The following NYAP1 variants were observed in gnomAD, a reference collection of about 807,000 sequenced individuals.
NYAP1 encodes the protein neuronal tyrosine phosphorylated phosphoinositide-3-kinase adaptor 1.
Under a neutral mutation model 58.6 loss-of-function variants are expected in NYAP1, and 20 were observed. The observed-to-expected ratio is 0.34, with a 90% CI of 0.24 to 0.50. The LOEUF (loss-of-function observed/expected upper bound fraction) is 0.50, where lower values mean the gene tolerates loss of function less well. Ranked by LOEUF, NYAP1 falls within the 20% of genes least tolerant of loss-of-function variation. NYAP1 has a pLI of 0.98. For missense variants in NYAP1, 1,150 were observed against 1,194.5 expected, an observed-to-expected ratio of 0.96 and a Z score of 0.55; for synonymous variants, 572 against 523.1, an observed-to-expected ratio of 1.09 and a Z score of -1.27.
Position 100,488,650 on chromosome 7 carries a change from G to T in NYAP1, c.929G>T (p.Arg310Leu). 6.2e-7 allele frequency: 1 copy of T among 1,609,854 alleles called. No individual in the cohort carries two copies. The highest frequency in any genetic ancestry group is 8.5e-7 in the Non-Finnish European group (1 of 1,178,768). Residue 310 changes from arginine (R) to leucine (L), a missense_variant, in exon 4 of 7, where the codon CGG becomes CTG. Physicochemically the swap from Arg to Leu is moderately radical, Grantham distance 102 (BLOSUM62 -2). Coordinates refer to ENST00000300179, the MANE Select transcript of NYAP1 (RefSeq NM_173564.4). The surrounding 1 kb of genome is among the most constrained non-coding windows in gnomAD (Gnocchi z 5.9). ...CGCCCAGCTTCAGCCCTCCCGAGCCGGAGGGACGGGACGCCCACCAAGACC... is the reference window on the plus strand; with the variant it reads ...CGCCCAGCTTCAGCCCTCCCGAGCCTGAGGGACGGGACGCCCACCAAGACC... ...HRRPASALPS[R>L]RDGTPTKTTP...
rs1331286589 is a variant in NYAP1 at position 100,489,070 on chromosome 7, C to G, written c.1349C>G (p.Pro450Arg). The G allele has an allele frequency of 6.5e-7, 1 of 1,546,128 alleles. No individual in the cohort carries two copies. Among genetic ancestry groups the G allele is most frequent in the Non-Finnish European group, 8.7e-7 (1 of 1,146,744 alleles). Reference sequence around the variant, plus strand: ...CCCCCTGCCCCGGCCGCCTTGCTCCCCGGCCCCCCCAAGGACAAGGCCGTG... The same window carrying G: ...CCCCCTGCCCCGGCCGCCTTGCTCCGCGGCCCCCCCAAGGACAAGGCCGTG... ...AAPPAPAALLPGPPKDKAVSY... is the reference protein window; with the variant it reads ...AAPPAPAALLRGPPKDKAVSY... The change falls in exon 4 of 7, where the codon CCC (proline) becomes CGC (arginine). Residue 450 changes from proline to arginine, a missense_variant. Pro to Arg is a moderately radical substitution (Grantham distance 103). Transcript: ENST00000300179.
chr7:100,488,584 C>G lies in NYAP1; in HGVS notation c.863C>G (p.Pro288Arg). 6.2e-7 allele frequency: 1 copy of G among 1,611,272 alleles called. No individual in the cohort carries two copies. Among genetic ancestry groups the G allele is most frequent in the Non-Finnish European group, 8.5e-7 (1 of 1,179,280 alleles). ...NGPPPLTATS[P>R]PQQPHALPPH... ...CCTCCACCATTGACGGCAACATCCC[C>G]GCCACAACAGCCTCACGCCCTTCCG... Residue 288 changes from proline (P) to arginine (R), a missense_variant, in exon 4 of 7, where the codon CCG (proline) becomes CGG (arginine). Coordinates refer to ENST00000300179, the MANE Select transcript of NYAP1 (RefSeq NM_173564.4). This position sits in a 1 kb window ranked among gnomAD's most constrained non-coding sequence, Gnocchi z 5.9.
rs542170501 is a variant in NYAP1 at position 100,486,549 on chromosome 7, G to A, written c.69-272G>A. ...CAAGGCTGTCCACACAGGTGCCCAGGCTGGGATCCGCCAGCCCCAGGGATG... is the reference window on the plus strand; with the variant it reads ...CAAGGCTGTCCACACAGGTGCCCAGACTGGGATCCGCCAGCCCCAGGGATG... On this transcript the variant is annotated intron_variant, in intron 2 of 6. Transcript: ENST00000300179. The surrounding 1 kb of genome is among the most constrained non-coding windows in gnomAD (Gnocchi z 6.2). Among the ~76,000 whole-genome samples the A allele has an allele frequency of 6.6e-6, 1 of 152,176 alleles. No homozygotes were observed. Among genetic ancestry groups the A allele is most frequent in the East Asian group, 1.9e-4 (1 of 5,172 alleles).
At position 100,488,821 on chromosome 7, in the gene NYAP1, C is replaced by G. The variant is rs750079254; in HGVS notation, c.1100C>G (p.Ala367Gly). 1.9e-6 allele frequency: 3 copies of G among 1,574,750 alleles called. No homozygotes were observed. The highest frequency in any genetic ancestry group is 2.3e-5 in the South Asian group (2 of 85,992). ...GTCCTCTGCCACTCCAAGGAGCCAG[C>G]CGGCTCCACCCCAGCTCCCCAAGTG... ...LPVLCHSKEP[A>G]GSTPAPQVPA... The change falls in exon 4 of 7, where the codon GCC (alanine) becomes GGC (glycine). Residue 367 changes from alanine (A) to glycine (G), a missense_variant. Ala to Gly is a moderately conservative substitution (Grantham distance 60). Coordinates refer to ENST00000300179, the MANE Select transcript of NYAP1 (RefSeq NM_173564.4). The surrounding 1 kb of genome is among the most constrained non-coding windows in gnomAD (Gnocchi z 5.9).
rs763898455 is a variant in NYAP1, at chr7:100,489,545, C to T, written c.1824C>T (p.Val608=). Residue 608 remains valine, a synonymous_variant, in exon 4 of 7, where the codon GTC becomes GTT. Transcript: ENST00000300179. ...GAFASISCAH[V]IASAGTPEEE... ...TTGCCAGCATCTCCTGTGCCCACGT[C>T]ATCGCCAGCGCAGGGACACCAGAGG... is the stretch of plus-strand genomic sequence containing the variant. 68 of 1,613,330 alleles carry T rather than the reference C, an allele frequency of 4.2e-5. No homozygotes were observed. Among genetic ancestry groups the T allele is most frequent in the African/African-American group, 8.0e-5 (6 of 74,894 alleles).
At chr7:100,492,102 TG>T (rs1466825453) in intron 6 of NYAP1, among the ~76,000 whole-genome samples, 2 of 145,302 alleles carry the variant, frequency 1.4e-5, no homozygotes, top group Non-Finnish European at 3.0e-5. Context: ...AGCTGGACAT[TG>T]GGGCAGGCAC....
At chr7:100,484,514 AG>A (rs1799679118) in intron 1 of NYAP1, among the ~76,000 whole-genome samples, 1 of 152,084 alleles carries the variant, frequency 6.6e-6, no homozygotes, top group Non-Finnish European at 1.5e-5. Context: ...GGCCCGGGGA[AG>A]GACTGGAAGT....
chr7:100,490,410 G>A lies in NYAP1; in HGVS notation c.1946-107G>A. 1 of 1,042,646 alleles carries A rather than the reference G, an allele frequency of 9.6e-7. No homozygotes were observed. The highest frequency in any genetic ancestry group is 2.1e-4 in the Middle Eastern group (1 of 4,712). 64.6% of individuals were successfully genotyped at this position (1,042,646 alleles called of 1,614,324 possible). ...CCCATCCCAGCCGTTACTTGCAAAA[G>A]GGGCAATTGTGTCTCCTGGTCCACC... On this transcript the variant is annotated intron_variant, in intron 4 of 6. Coordinates refer to ENST00000300179, the MANE Select transcript of NYAP1 (RefSeq NM_173564.4). The surrounding 1 kb of genome is among the most constrained non-coding windows in gnomAD (Gnocchi z 4.6).
In NYAP1 at chr7:100,485,415, G is replaced by A. The variant is rs367729037; in HGVS notation, c.68+36G>A. 19 of 1,515,026 alleles carry A rather than the reference G, an allele frequency of 1.3e-5. No homozygotes were observed. The highest frequency in any genetic ancestry group is 2.4e-5 in the East Asian group (1 of 42,102). 93.8% of individuals were successfully genotyped at this position (1,515,026 alleles called of 1,614,324 possible). On this transcript the variant is annotated intron_variant, in intron 2 of 6. Transcript: ENST00000300179. The surrounding 1 kb of genome is among the most constrained non-coding windows in gnomAD (Gnocchi z 5.7). Reference sequence around the variant, plus strand: ...ACCCCAGACTGCTCCCTTCCCTTCCGCACCTCTGCCTGCCCCCTCACTGGG... The same window carrying A: ...ACCCCAGACTGCTCCCTTCCCTTCCACACCTCTGCCTGCCCCCTCACTGGG...
Position 100,493,651 on chromosome 7 carries a change from C to A in NYAP1, c.2274C>A (p.His758Gln), listed in dbSNP as rs765728630. The A allele has an allele frequency of 1.9e-6, 3 of 1,577,942 alleles. No individual in the cohort carries two copies. Among genetic ancestry groups the A allele is most frequent in the Non-Finnish European group, 2.6e-6 (3 of 1,168,186 alleles). Reference protein sequence around the residue: ...SQPRDALSQPHPALPLPLPLP... With the variant: ...SQPRDALSQPQPALPLPLPLP... ...CTCCCCCGCCCGCGGCACAGCCCCA[C>A]CCCGCGCTGCCGCTGCCTCTGCCCC... The change falls in exon 7 of 7, where the codon CAC becomes CAA. Residue 758 changes from histidine to glutamine, a missense_variant. Transcript: ENST00000300179.
chr7:100,489,511 G>C lies in NYAP1; in HGVS notation c.1790G>C (p.Gly597Ala). The C allele has an allele frequency of 1.2e-6, 2 of 1,613,442 alleles. No homozygotes were observed. The highest frequency in any genetic ancestry group is 2.2e-5 in the South Asian group (2 of 91,080). Residue 597 changes from glycine (G) to alanine (A), a missense_variant, in exon 4 of 7, where the codon GGG becomes GCG. Physicochemically the swap from Gly to Ala is moderately conservative, Grantham distance 60. Transcript: ENST00000300179. ...KIQLQEQGTDGGAFASISCAH... is the reference protein window; with the variant it reads ...KIQLQEQGTDAGAFASISCAH... The stretch of plus-strand genomic sequence containing the variant: ...CAGCTGCAGGAGCAAGGGACCGATG[G>C]GGGTGCTTTTGCCAGCATCTCCTGT...
chr7:100,490,584 C>G lies in NYAP1; in HGVS notation c.2013C>G (p.Asp671Glu). Residue 671 changes from aspartate to glutamate, a missense_variant, in exon 5 of 7, where the codon GAC becomes GAG. Coordinates refer to ENST00000300179, the MANE Select transcript of NYAP1 (RefSeq NM_173564.4). The surrounding 1 kb of genome is among the most constrained non-coding windows in gnomAD (Gnocchi z 4.6). ...AEGPGKVERE[D>E]RGPGTSGIPV... ...GTCCAGGCAAGGTGGAGCGTGAGGA[C>G]AGGGGCCCTGGGACATCGGGGATCC... The G allele has an allele frequency of 6.3e-7, 1 of 1,583,316 alleles. No individual in the cohort carries two copies. Among genetic ancestry groups the G allele is most frequent in the South Asian group, 1.2e-5 (1 of 86,450 alleles).
Position 100,493,750 on chromosome 7 carries a change from G to A in NYAP1, c.2373G>A (p.Lys791=), listed in dbSNP as rs1584362278. 2 of 1,605,612 alleles carry A rather than the reference G, an allele frequency of 1.2e-6. No individual in the cohort carries two copies. The highest frequency in any genetic ancestry group is 1.7e-6 in the Non-Finnish European group (2 of 1,178,528). Residue 791 remains lysine, a synonymous_variant, in exon 7 of 7, where the codon AAG becomes AAA. Coordinates refer to ENST00000300179, the MANE Select transcript of NYAP1 (RefSeq NM_173564.4). Reference sequence around the variant, plus strand: ...TCGAGCGCAAGCGCTGCGTGTGCAAGGAGATCAAGGCGCGCCACCGCCCGG... The same window carrying A: ...TCGAGCGCAAGCGCTGCGTGTGCAAAGAGATCAAGGCGCGCCACCGCCCGG... ...EVIERKRCVC[K]EIKARHRPDR...
intron 4 of NYAP1, 146 bp downstream of exon 4, chr7:100,489,812 G>T: frequency 1.4e-6 from 1 of 710,800 alleles, no homozygotes; most frequent in Non-Finnish European, 2.3e-6. Context: ...CAGAGAGGTG[G>T]GGGTGGGCGA....
chr7:100,488,107 C>T lies in NYAP1; in HGVS notation c.431-45C>T. ...GAATGGGCTCCTCCCACTTGCTCCCCTCATTAAAAGCCTGGTTTATTTTTC... is the reference window on the plus strand; with the variant it reads ...GAATGGGCTCCTCCCACTTGCTCCCTTCATTAAAAGCCTGGTTTATTTTTC... On this transcript the variant is annotated intron_variant, in intron 3 of 6. Transcript: ENST00000300179. The surrounding 1 kb of genome is among the most constrained non-coding windows in gnomAD (Gnocchi z 5.9). The T allele has an allele frequency of 6.9e-7, 1 of 1,454,710 alleles. No individual in the cohort carries two copies. Among genetic ancestry groups the T allele is most frequent in the Admixed American group, 2.3e-5 (1 of 44,290 alleles). The allele number at this position is 1,454,710 out of a possible 1,614,324, so 90.1% of individuals were successfully genotyped here.
chr7:100,491,762 A>G (rs7787825), intron 6 of NYAP1, among the ~76,000 whole-genome samples: 30,364 of 151,684 alleles, frequency 0.2, 3,190 homozygotes, highest in African/African-American at 0.24. Flanking sequence ...AAATACAAAA[A>G]TTAGGGCCAG....
Position 100,490,395 on chromosome 7 carries a change from C to A in NYAP1, c.1946-122C>A. ...GGAGTGTGAAGGAGCCCCATCCCAG[C>A]CGTTACTTGCAAAAGGGGCAATTGT... is the stretch of plus-strand genomic sequence containing the variant. On this transcript the variant is annotated intron_variant, in intron 4 of 6. Coordinates refer to ENST00000300179, the MANE Select transcript of NYAP1 (RefSeq NM_173564.4). The surrounding 1 kb of genome is among the most constrained non-coding windows in gnomAD (Gnocchi z 4.6). The A allele has an allele frequency of 1.2e-6, 1 of 857,304 alleles. No individual in the cohort carries two copies. The highest frequency in any genetic ancestry group is 1.9e-6 in the Non-Finnish European group (1 of 524,948). The allele number at this position is 857,304 out of a possible 1,614,324, so 53.1% of individuals were successfully genotyped here.
chr7:100,492,047 C>G (rs1332282806), intron 6 of NYAP1, among the ~76,000 whole-genome samples: 1 of 150,708 alleles, frequency 6.6e-6, no homozygotes, highest in Non-Finnish European at 1.5e-5. Context: ...GAGACTCTGT[C>G]TCAAAAAAAA....
chr7:100,488,871 C>T lies in NYAP1; in HGVS notation c.1150C>T (p.Pro384Ser), dbSNP rs762146711. The change falls in exon 4 of 7, where the codon CCC (proline) becomes TCC (serine). Residue 384 changes from proline to serine, a missense_variant. Physicochemically the swap from Pro to Ser is moderately conservative, Grantham distance 74. Transcript: ENST00000300179. This position sits in a 1 kb window ranked among gnomAD's most constrained non-coding sequence, Gnocchi z 5.9. Reference sequence around the variant, plus strand: ...GCCTGCACGGGAGCGGGAGACGCCTCCCCCACCGCCTCCACCTCCTGCTGC... The same window carrying T: ...GCCTGCACGGGAGCGGGAGACGCCTTCCCCACCGCCTCCACCTCCTGCTGC... Reference protein sequence around the residue: ...QVPARERETPPPPPPPPAANL... With the variant: ...QVPARERETPSPPPPPPAANL... 4 of 1,599,226 alleles carry T rather than the reference C, an allele frequency of 2.5e-6. No individual in the cohort carries two copies. The Admixed American group carries it at 5.2e-5, about 21-fold the overall frequency.
Sources: gnomAD v4.1 joint callset for allele counts (sites outside exome capture counted in the v4.1 genomes callset) on GRCh38, gnomAD v4.1.1 for gene constraint, Gnocchi (gnomAD v3.1) non-coding constraint, MANE v1.5 for transcripts, NCBI Gene and HGNC (gene_info 2026-07-23, HGNC 2026-07-21) for gene names.